Variants in PDE1A observed in about 807,000 individuals in gnomAD.
PDE1A encodes the protein dual specificity calcium/calmodulin-dependent 3',5'-cyclic nucleotide phosphodiesterase 1A.
A neutral mutation model predicts 61.7 loss-of-function variants in PDE1A; 35 were observed. The ratio of observed to expected loss-of-function variants is 0.57; its 90% CI spans 0.43 to 0.75. The LOEUF is 0.75. Ranked by LOEUF, PDE1A falls within the 30% of genes least tolerant of loss-of-function variation. The probability of loss-of-function intolerance (pLI) is 0.00; values close to 1 mark genes in which losing one functional copy is unlikely to be tolerated. For missense variants in PDE1A, 597 were observed against 630.6 expected, an observed-to-expected ratio of 0.95 and a Z score of 0.57; for synonymous variants, 232 against 213.2, an observed-to-expected ratio of 1.09 and a Z score of -0.77.
At chr2:182,624,124 CA>C in the PDE1A span, among the ~76,000 whole-genome samples, 8,674 of 109,850 alleles carry the variant, frequency 0.079, 269 homozygotes, top group Middle Eastern at 0.13. Flanking sequence ...GACTCCGTCT[CA>C]AAAAAAAAAA....
At chr2:182,305,491 C>G (rs909587447) in intron 1 of PDE1A, among the ~76,000 whole-genome samples, 1 of 152,150 alleles carries the variant, frequency 6.6e-6, no homozygotes, top group African/African-American at 2.4e-5. Context: ...GATCCCTGCT[C>G]TAAATTAATT....
rs186921513 is a variant in PDE1A, at chr2:182,181,865, C to T, written c.1516+4027G>A. ...AGTCCAAACCTCTCAGTCTCCTTCA[C>T]ACTGTCAGGGGAAAACCGCCTACTA... On this transcript the variant is annotated intron_variant, in intron 13 of 13. Coordinates refer to ENST00000351439, the Ensembl canonical transcript of PDE1A. Among the ~76,000 whole-genome samples the T allele has an allele frequency of 2.7e-4, 41 of 152,292 alleles. 1 individual carries two copies. The highest frequency in any genetic ancestry group is 8.4e-4 in the African/African-American group (35 of 41,564).
At chr2:182,496,514 T>C (rs1192464077) in intron 2 of PDE1A, among the ~76,000 whole-genome samples, 3 of 152,252 alleles carry the variant, frequency 2.0e-5, no homozygotes, top group Non-Finnish European at 2.9e-5. Context: ...TGACTCATTC[T>C]ATTTGGAGAG....
intron 11 of PDE1A, 25 bp from the exon 12 acceptor site, chr2:182,186,613 A>G (rs981964118): frequency 6.3e-7 from 1 of 1,576,552 alleles, no homozygotes; most frequent in Non-Finnish European, 8.6e-7. Context: ...ATGAGAAGAG[A>G]GAGAGATAAA....
chr2:182,278,780 C>G (rs534161344), intron 1 of PDE1A, among the ~76,000 whole-genome samples: 4 of 152,054 alleles, frequency 2.6e-5, no homozygotes, highest in South Asian at 4.1e-4. Flanking sequence ...AGTAGCCCAG[C>G]AATGATTAAT....
At chr2:182,631,063 A>G in the PDE1A span, among the ~76,000 whole-genome samples, 31 of 152,242 alleles carry the variant, frequency 2.0e-4, no homozygotes, top group East Asian at 5.0e-3. Context: ...ATTGGCTCAC[A>G]CAATTGTGGA....
chr2:182,400,287 C>G (rs1162502066), intron 1 of PDE1A, among the ~76,000 whole-genome samples: 2 of 152,146 alleles, frequency 1.3e-5, no homozygotes, highest in African/African-American at 4.8e-5. Flanking sequence ...TATCTTTTCC[C>G]AATTGTTGTC....
chr2:182,484,868 G>C (rs1406276118), intron 2 of PDE1A, among the ~76,000 whole-genome samples: 1 of 151,896 alleles, frequency 6.6e-6, no homozygotes, highest in Non-Finnish European at 1.5e-5. Flanking sequence ...AAAAATAACA[G>C]ATGCTGGCGA....
chr2:182,368,334 G>GCC (rs142359845), intron 1 of PDE1A, among the ~76,000 whole-genome samples: 3 of 77,086 alleles, frequency 3.9e-5, no homozygotes, highest in Admixed American at 1.5e-4. Context: ...GAACACCCCA[G>GCC]CCCCCCCCAC....
chr2:182,274,897 A>C (rs111508938), intron 1 of PDE1A, among the ~76,000 whole-genome samples: 1 of 152,148 alleles, frequency 6.6e-6, no homozygotes, highest in Non-Finnish European at 1.5e-5. Context: ...TGACATTGAC[A>C]GAAGTAGTTT....
intron 2 of PDE1A, among the ~76,000 whole-genome samples, chr2:182,241,625 A>G (rs904383778): frequency 6.6e-6 from 1 of 152,218 alleles, no homozygotes; most frequent in Non-Finnish European, 1.5e-5. Context: ...TGTTTCCTAT[A>G]AACCTGCAGA....
At chr2:182,230,415 G>T (rs556929053) in intron 5 of PDE1A, among the ~76,000 whole-genome samples, 1 of 152,236 alleles carries the variant, frequency 6.6e-6, no homozygotes, top group East Asian at 1.9e-4. Context: ...ATCTTCCGGA[G>T]AGTAGGAAGG....
At chr2:182,437,145 G>T (rs1030012477) in intron 2 of PDE1A, among the ~76,000 whole-genome samples, 2 of 151,876 alleles carry the variant, frequency 1.3e-5, no homozygotes, top group African/African-American at 4.8e-5. Context: ...CCATTTGTTT[G>T]CTGTATAATC....
intron 2 of PDE1A, among the ~76,000 whole-genome samples, chr2:182,491,744 T>C (rs944580228): frequency 1.3e-5 from 2 of 148,272 alleles, no homozygotes; most frequent in African/African-American, 5.0e-5. Context: ...TACATTTTCC[T>C]ACTACCTTGC....
downstream of PDE1A, among the ~76,000 whole-genome samples, chr2:182,167,391 ATG>A (rs1199756509): frequency 6.6e-6 from 1 of 152,152 alleles, no homozygotes; most frequent in African/African-American, 2.4e-5. Context: ...TTTGTATCCT[ATG>A]TTTCTTTAAA....
chr2:182,664,385 G>T, the PDE1A span, among the ~76,000 whole-genome samples: 1 of 152,112 alleles, frequency 6.6e-6, no homozygotes, highest in South Asian at 2.1e-4. Flanking sequence ...GTAATTTGTG[G>T]TATATTTATA....
chr2:182,408,181 C>CA (rs5836834), intron 1 of PDE1A, among the ~76,000 whole-genome samples: 74,158 of 115,926 alleles, frequency 0.64, 22,274 homozygotes, highest in East Asian at 0.82. Context: ...AAGTATCTGC[C>CA]AAAAAAAAAA....
the PDE1A span, among the ~76,000 whole-genome samples, chr2:182,566,049 G>C: frequency 5.9e-5 from 9 of 152,248 alleles, no homozygotes; most frequent in East Asian, 1.5e-3. Flanking sequence ...TCAGTGATTT[G>C]AATGAAATGC....
chr2:182,446,391 C>T (rs1044646332), intron 2 of PDE1A, among the ~76,000 whole-genome samples: 5 of 152,000 alleles, frequency 3.3e-5, no homozygotes, highest in African/African-American at 7.2e-5. Flanking sequence ...CTGTTTACCC[C>T]AAATAAAATC....
Sources: gnomAD v4.1 joint callset for allele counts (sites outside exome capture counted in the v4.1 genomes callset) on GRCh38, gnomAD v4.1.1 for gene constraint, MANE v1.5 for transcripts, NCBI Gene and HGNC (gene_info 2026-07-23, HGNC 2026-07-21) for gene names.